Variants in SUPT3H observed in about 807,000 individuals in gnomAD.
SUPT3H encodes transcription initiation protein SPT3 homolog.
SUPT3H carries 44 observed loss-of-function variants against 44.3 expected under a neutral mutation model. The ratio of observed to expected loss-of-function variants is 0.99; its 90% CI spans 0.78 to 1.28. The LOEUF (loss-of-function observed/expected upper bound fraction) is 1.28. Among genes scored for constraint, SUPT3H ranks in the 50% most tolerant of loss-of-function variants. The pLI is 0.00. For missense variants in SUPT3H, 380 were observed against 387.1 expected (o/e 0.98, Z 0.15); for synonymous variants, 124 against 125.6 (o/e 0.99, Z 0.09).
In SUPT3H at chr6:44,961,859, A is replaced by G. The variant is rs753011679; in HGVS notation, c.505-31T>C. 2.0e-6 allele frequency: 3 copies of G among 1,505,442 alleles called. No homozygotes were observed. In the African/African-American group the frequency reaches 4.2e-5, roughly 21 times the overall value. 93.3% of individuals were successfully genotyped at this position (1,505,442 alleles called of 1,614,324 possible). A position where few individuals can be genotyped will look rare whatever the true frequency, so the allele number is the denominator to read the frequency against. On this transcript the variant is annotated intron_variant, in intron 6 of 10. Transcript: ENST00000371459. ...AGATAAAAATACATAACATTTTTTA[A>G]AGCAAGCAGATTATTATATATGTTT...
rs1185259509 is a variant in SUPT3H at position 45,205,449 on chromosome 6, A to ATAG, written c.102-99444_102-99443insCTA. On this transcript the variant is annotated intron_variant, in intron 2 of 10. Coordinates refer to ENST00000371459, the MANE Select transcript of SUPT3H (RefSeq NM_003599.4). Reference sequence around the variant, plus strand: ...TATAAAATTCCTGAAATTCTGATAAACTTTATATAATGTATAGCTTACAAA... The same window carrying ATAG: ...TATAAAATTCCTGAAATTCTGATAAATAGCTTTATATAATGTATAGCTTACAAA... Among the ~76,000 whole-genome samples the ATAG allele has an allele frequency of 5.3e-5, 8 of 152,156 alleles. No homozygotes were observed. The East Asian group carries it at 1.2e-3, about 22-fold the overall frequency.
chr6:45,280,433 G>T (rs1017292923), intron 2 of SUPT3H, among the ~76,000 whole-genome samples: 1 of 152,070 alleles, frequency 6.6e-6, no homozygotes, highest in Non-Finnish European at 1.5e-5. Flanking sequence ...TTGAATCCAG[G>T]AAGTGGAGGT....
intron 8 of SUPT3H, among the ~76,000 whole-genome samples, 158 bp from the exon 9 acceptor site, chr6:44,953,575 G>GA (rs1188772774): frequency 3.2e-4 from 49 of 152,152 alleles, no homozygotes; most frequent in African/African-American, 1.2e-3. Context: ...ATTGACTGGT[G>GA]AATGGACCTA....
chr6:45,030,890 T>A (rs1786814454), intron 3 of SUPT3H, among the ~76,000 whole-genome samples: 1 of 152,186 alleles, frequency 6.6e-6, no homozygotes, highest in South Asian at 2.1e-4. Context: ...AGGGCAAGGA[T>A]CTGCTATGAA....
chr6:45,157,697 C>T (rs2153599354), intron 2 of SUPT3H, among the ~76,000 whole-genome samples: 1 of 151,864 alleles, frequency 6.6e-6, no homozygotes, highest in East Asian at 1.9e-4. Flanking sequence ...TACAGGCGCG[C>T]ACCACCATGC....
At position 44,903,324 on chromosome 6, in the gene SUPT3H, C is replaced by T. The variant is rs923044250; in HGVS notation, c.912+29329G>A. On this transcript the variant is annotated intron_variant, in intron 10 of 10. Coordinates refer to ENST00000371459, the MANE Select transcript of SUPT3H (RefSeq NM_003599.4). ...AGAAAAGAGAGAAGAATCAAATAGA[C>T]ACAATAAAAAATGATAAAGGGGATA... Among the ~76,000 whole-genome samples, 133 of 151,896 alleles carry T rather than the reference C, an allele frequency of 8.8e-4. 2 individuals are homozygous for T. Among genetic ancestry groups the T allele is most frequent in the African/African-American group, 2.9e-3 (119 of 41,452 alleles).
At chr6:44,842,248 C>A (rs1771062819) in intron 10 of SUPT3H, among the ~76,000 whole-genome samples, 1 of 152,018 alleles carries the variant, frequency 6.6e-6, no homozygotes, top group Non-Finnish European at 1.5e-5. Flanking sequence ...ATGGTAGGCT[C>A]TGAGGAATCA....
intron 2 of SUPT3H, among the ~76,000 whole-genome samples, chr6:45,354,393 T>TA (rs1792697402): frequency 6.6e-6 from 1 of 152,084 alleles, no homozygotes; most frequent in Admixed American, 6.6e-5. Context: ...ACTAAGAACA[T>TA]AAAAATTAAG....
chr6:45,376,963 G>A (rs536939234), intron 1 of SUPT3H, among the ~76,000 whole-genome samples: 1 of 151,584 alleles, frequency 6.6e-6, no homozygotes, highest in East Asian at 1.9e-4. Context: ...TAGCCTCTTG[G>A]AGAAATGCTA....
At chr6:45,274,302 A>G (rs1408847678) in intron 2 of SUPT3H, among the ~76,000 whole-genome samples, 1 of 152,138 alleles carries the variant, frequency 6.6e-6, no homozygotes, top group Non-Finnish European at 1.5e-5. Flanking sequence ...ATGATGTCCA[A>G]TTTACCTTTT....
At chr6:44,869,007 T>C (rs540516143) in intron 10 of SUPT3H, among the ~76,000 whole-genome samples, 2 of 152,222 alleles carry the variant, frequency 1.3e-5, no homozygotes, top group Non-Finnish European at 2.9e-5. Flanking sequence ...ATGTCACTGA[T>C]GTTTCTGTTT....
At chr6:45,167,345 C>A (rs1309961126) in intron 2 of SUPT3H, among the ~76,000 whole-genome samples, 1 of 152,200 alleles carries the variant, frequency 6.6e-6, no homozygotes, top group Non-Finnish European at 1.5e-5. Context: ...AACTTTACAC[C>A]TGGCTCCACT....
intron 5 of SUPT3H, among the ~76,000 whole-genome samples, chr6:45,012,943 C>T (rs1237898927): frequency 6.6e-6 from 1 of 152,078 alleles, no homozygotes; most frequent in African/African-American, 2.4e-5. Context: ...CCTCCATAAC[C>T]AGAGATGACT....
At chr6:45,142,761 A>AAAAAAAAAAAAAC in intron 2 of SUPT3H, among the ~76,000 whole-genome samples, 1 of 149,594 alleles carries the variant, frequency 6.7e-6, no homozygotes, top group Non-Finnish European at 1.5e-5. Flanking sequence ...AAAAAAAAAA[A>AAAAAAAAAAAAAC]AAAGCAGAAT....
intron 10 of SUPT3H, among the ~76,000 whole-genome samples, chr6:44,907,361 G>A (rs1171717323): frequency 1.3e-5 from 2 of 152,072 alleles, no homozygotes; most frequent in Non-Finnish European, 2.9e-5. Flanking sequence ...TTTATGTAAT[G>A]TCTCAGTTTT....
At chr6:45,153,894 C>G (rs1338759982) in intron 2 of SUPT3H, among the ~76,000 whole-genome samples, 1 of 151,750 alleles carries the variant, frequency 6.6e-6, no homozygotes, top group African/African-American at 2.4e-5. Flanking sequence ...ATGGTGAAAC[C>G]CTGTCTCTAC....
intron 2 of SUPT3H, among the ~76,000 whole-genome samples, chr6:45,112,733 C>A (rs985184547): frequency 3.9e-5 from 6 of 152,176 alleles, no homozygotes; most frequent in Non-Finnish European, 4.4e-5. Flanking sequence ...CTGTGGACAG[C>A]CTGCTGGGCC....
At chr6:45,252,425 G>C (rs1305089242) in intron 2 of SUPT3H, among the ~76,000 whole-genome samples, 1 of 152,142 alleles carries the variant, frequency 6.6e-6, no homozygotes, top group African/African-American at 2.4e-5. Flanking sequence ...AAACAACACA[G>C]ATTCAGGGAA....
intron 1 of SUPT3H, among the ~76,000 whole-genome samples, chr6:45,374,157 A>G (rs1796466859): frequency 6.6e-6 from 1 of 152,230 alleles, no homozygotes; most frequent in South Asian, 2.1e-4. Flanking sequence ...AATAAGTTAA[A>G]TACCTTAACT....
Sources: allele counts gnomAD v4.1 joint callset (sites outside exome capture counted in the v4.1 genomes callset), GRCh38; gene constraint gnomAD v4.1.1; transcripts MANE v1.5; gene names NCBI Gene and HGNC (gene_info 2026-07-23, HGNC 2026-07-21).